The following CCDC178 variants were observed in gnomAD, a reference collection of about 807,000 sequenced individuals.
CCDC178 encodes the protein coiled-coil domain containing 178.
In CCDC178, 126 loss-of-function variants were observed where a neutral mutation model predicts 117.4. The observed-to-expected ratio is 1.07, with a 90% CI of 0.93 to 1.24. The LOEUF is 1.24. Among genes scored for constraint, CCDC178 ranks in the 50% most tolerant of loss-of-function variants. The probability of loss-of-function intolerance (pLI) is 0.00; values close to 1 mark genes in which losing one functional copy is unlikely to be tolerated. For missense variants in CCDC178, 1,030 were observed against 986.9 expected (o/e 1.04, Z -0.59); for synonymous variants, 283 against 313.4 (o/e 0.90, Z 1.02).
chr18:32,942,637 T>C (rs978146928), intron 22 of CCDC178, among the ~76,000 whole-genome samples: 4 of 152,162 alleles, frequency 2.6e-5, no homozygotes, highest in Non-Finnish European at 4.4e-5. Context: ...AAAAAGCACA[T>C]GGTGAATTGA....
intron 22 of CCDC178, among the ~76,000 whole-genome samples, chr18:32,964,864 A>T (rs2054778946): frequency 1.3e-5 from 2 of 152,014 alleles, no homozygotes; most frequent in East Asian, 3.9e-4. Flanking sequence ...TGCAAAAAAC[A>T]TTTCTAGAAT....
At position 32,937,683 on chromosome 18, in the gene CCDC178, G is replaced by C. The variant is rs777493743; in HGVS notation, c.*328C>G. ...AGACGATAGGGAAATCTGGGGAAGC[G>C]AACAGTCACTGTCAACACCGCCAGT... On this transcript the variant is annotated 3_prime_UTR_variant, in exon 23 of 23. Transcript: ENST00000383096. 1 of 258,802 alleles carries C rather than the reference G, an allele frequency of 3.9e-6. No homozygotes were observed. Among genetic ancestry groups the C allele is most frequent in the Non-Finnish European group, 7.4e-6 (1 of 134,892 alleles). 16.0% of individuals were successfully genotyped at this position (258,802 alleles called of 1,614,324 possible).
At chr18:33,329,224 GC>G (rs1158169385) in intron 10 of CCDC178, among the ~76,000 whole-genome samples, 13 of 152,042 alleles carry the variant, frequency 8.6e-5, no homozygotes, top group African/African-American at 2.9e-4. Context: ...GTTAGATCAT[GC>G]CCTCTGATAA....
rs191741664 is a variant in CCDC178 at position 33,389,736 on chromosome 18, A to G, written c.119-107T>C. 93 of 429,034 alleles carry G rather than the reference A, an allele frequency of 2.2e-4. No homozygotes were observed. In the East Asian group the frequency reaches 3.5e-3, roughly 16 times the overall value. 26.6% of individuals were successfully genotyped at this position (429,034 alleles called of 1,614,324 possible). On this transcript the variant is annotated intron_variant, in intron 4 of 22. Transcript: ENST00000383096. ...CTACGTTAGAGAAGTGCTCTCCTTAAAAGAAAAACAACTATGATACAAATA... is the reference window on the plus strand; with the variant it reads ...CTACGTTAGAGAAGTGCTCTCCTTAGAAGAAAAACAACTATGATACAAATA...
intron 6 of CCDC178, among the ~76,000 whole-genome samples, chr18:33,362,806 T>C (rs185170448): frequency 1.7e-4 from 26 of 152,142 alleles, no homozygotes; most frequent in Non-Finnish European, 3.2e-4. Flanking sequence ...TGGGGTTTTA[T>C]TCTGGAGTAG....
intron 21 of CCDC178, among the ~76,000 whole-genome samples, chr18:33,015,123 G>T (rs1214851113): frequency 6.6e-6 from 1 of 151,916 alleles, no homozygotes; most frequent in African/African-American, 2.4e-5. Context: ...GGGTGTAGTG[G>T]TGGGTGCCTG....
intron 22 of CCDC178, chr18:32,954,021 G>C (rs1474564010): frequency 2.6e-5 from 4 of 152,050 alleles, no homozygotes; most frequent in African/African-American, 9.7e-5. Context: ...ACACAAGAGA[G>C]CTTTCAAATA....
In CCDC178 at chr18:33,401,035, G is replaced by A. The variant is rs189465701; in HGVS notation, c.59-3827C>T. On this transcript the variant is annotated intron_variant, in intron 3 of 22. Coordinates refer to ENST00000383096, the MANE Select transcript of CCDC178 (RefSeq NM_001105528.4). ...AAAGAGGCTACAGGAGAGAGAAATAGATGTGGGGGACAGACAGTGGAACAG... is the reference window on the plus strand; with the variant it reads ...AAAGAGGCTACAGGAGAGAGAAATAAATGTGGGGGACAGACAGTGGAACAG... Among the ~76,000 whole-genome samples the A allele has an allele frequency of 4.3e-3, 649 of 152,254 alleles. 4 individuals are homozygous for A. The highest frequency in any genetic ancestry group is 0.015 in the African/African-American group (617 of 41,558).
intron 21 of CCDC178, among the ~76,000 whole-genome samples, chr18:33,020,589 G>C (rs984892428): frequency 5.9e-5 from 9 of 152,094 alleles, no homozygotes; most frequent in African/African-American, 2.2e-4. Context: ...TGTGGTGTGT[G>C]TTTACTTTTT....
intron 9 of CCDC178, among the ~76,000 whole-genome samples, chr18:33,340,868 G>T (rs967947503): frequency 3.3e-5 from 5 of 152,216 alleles, no homozygotes; most frequent in Non-Finnish European, 7.3e-5. Flanking sequence ...AAGAATCTCT[G>T]CTAGGGTGCT....
chr18:32,966,035 C>T (rs2054806868), intron 22 of CCDC178, among the ~76,000 whole-genome samples: 2 of 150,298 alleles, frequency 1.3e-5, no homozygotes, highest in Non-Finnish European at 3.0e-5. Flanking sequence ...ATTTATTACC[C>T]TCAGTGTACC....
chr18:33,429,130 G>A (rs1032357422), intron 2 of CCDC178, among the ~76,000 whole-genome samples: 1 of 151,716 alleles, frequency 6.6e-6, no homozygotes, highest in African/African-American at 2.4e-5. Flanking sequence ...AATATATAAA[G>A]CTTCTCCGCA....
At chr18:33,194,918 AAG>A (rs1035551060) in intron 20 of CCDC178, among the ~76,000 whole-genome samples, 5 of 144,254 alleles carry the variant, frequency 3.5e-5, no homozygotes, top group Admixed American at 6.8e-5. Flanking sequence ...AAAAAAAAAA[AAG>A]AGAGAGAGAG....
chr18:33,313,604 T>C (rs185505492), intron 11 of CCDC178, among the ~76,000 whole-genome samples: 20 of 152,296 alleles, frequency 1.3e-4, no homozygotes, highest in Admixed American at 5.2e-4. Context: ...AAGTCCTTTA[T>C]AACTGGGTTT....
chr18:33,289,014 C>A (rs1395982402), intron 12 of CCDC178, among the ~76,000 whole-genome samples: 1 of 152,096 alleles, frequency 6.6e-6, no homozygotes, highest in East Asian at 1.9e-4. Context: ...AGATCAGGTT[C>A]TTCCTTCTCA....
intron 21 of CCDC178, among the ~76,000 whole-genome samples, chr18:32,979,824 T>A (rs2055109700): frequency 6.6e-6 from 1 of 152,168 alleles, no homozygotes. Context: ...ATATAATTTA[T>A]CTTAAAGCTG....
At chr18:33,307,940 A>G (rs1474072498) in intron 11 of CCDC178, among the ~76,000 whole-genome samples, 1 of 152,238 alleles carries the variant, frequency 6.6e-6, no homozygotes, top group Non-Finnish European at 1.5e-5. Flanking sequence ...ATGGATGTCC[A>G]GGAAGAAGTT....
intron 20 of CCDC178, among the ~76,000 whole-genome samples, chr18:33,166,075 T>C (rs2058524173): frequency 1.3e-5 from 2 of 152,156 alleles, no homozygotes; most frequent in African/African-American, 2.4e-5. Flanking sequence ...TTTTACACCA[T>C]GAGCACAAAT....
At chr18:33,320,436 T>C (rs902281358) in intron 11 of CCDC178, among the ~76,000 whole-genome samples, 1 of 151,930 alleles carries the variant, frequency 6.6e-6, no homozygotes, top group African/African-American at 2.4e-5. Flanking sequence ...ACAAGCATTC[T>C]TATACACCAA....
Sources: gnomAD v4.1 joint callset for allele counts (sites outside exome capture counted in the v4.1 genomes callset) on GRCh38, gnomAD v4.1.1 for gene constraint, MANE v1.5 for transcripts, NCBI Gene and HGNC (gene_info 2026-07-23, HGNC 2026-07-21) for gene names.